PRKAR2B: variants seen among roughly 807,000 people sequenced by gnomAD.
The protein encoded by PRKAR2B is protein kinase cAMP-dependent type II regulatory subunit beta, also known as cAMP-dependent protein kinase type II-beta regulatory subunit.
PRKAR2B carries 14 observed loss-of-function variants against 49.9 expected under a neutral mutation model. The observed-to-expected ratio is 0.28, with a 90% confidence interval of 0.19 to 0.44. The LOEUF (loss-of-function observed/expected upper bound fraction) is 0.44, where lower values mean the gene tolerates loss of function less well. Ranked by LOEUF, PRKAR2B falls within the 20% of genes least tolerant of loss-of-function variation. PRKAR2B has a pLI of 1.00. For missense variants in PRKAR2B, 393 were observed against 537.9 expected, an observed-to-expected ratio of 0.73 and a Z score of 2.67; for synonymous variants, 196 against 197.7, an observed-to-expected ratio of 0.99 and a Z score of 0.07.
At chr7:107,117,865 T>A (rs1225053525) in intron 2 of PRKAR2B, among the ~76,000 whole-genome samples, 2 of 152,182 alleles carry the variant, frequency 1.3e-5, no homozygotes, top group Non-Finnish European at 2.9e-5. Flanking sequence ...CACATTACTC[T>A]ATCTGCAATG....
chr7:107,136,761 A>G (rs1472529652), intron 4 of PRKAR2B, among the ~76,000 whole-genome samples: 1 of 152,248 alleles, frequency 6.6e-6, no homozygotes, highest in African/African-American at 2.4e-5. Context: ...GGTGTCTTTT[A>G]CAACTAAACA....
intron 1 of PRKAR2B, among the ~76,000 whole-genome samples, chr7:107,057,166 A>G (rs1793932876): frequency 1.3e-5 from 2 of 151,826 alleles, no homozygotes; most frequent in African/African-American, 4.8e-5. Flanking sequence ...CTCAAGACCC[A>G]CTTGCTGTTT....
intron 4 of PRKAR2B, among the ~76,000 whole-genome samples, chr7:107,138,193 A>G (rs970605402): frequency 4.6e-5 from 7 of 152,216 alleles, no homozygotes; most frequent in African/African-American, 1.7e-4. Context: ...TGTCAAACCC[A>G]TAGAATGTAC....
chr7:107,151,030 ATAT>A lies in PRKAR2B; in HGVS notation c.843+8_843+10del. The A allele has an allele frequency of 1.4e-6, 2 of 1,471,706 alleles. No individual in the cohort carries two copies. The highest frequency in any genetic ancestry group is 1.8e-6 in the Non-Finnish European group (2 of 1,081,470). The allele number at this position is 1,471,706 out of a possible 1,614,324, so 91.2% of individuals were successfully genotyped here. A position where few individuals can be genotyped will look rare whatever the true frequency, so the allele number is the denominator to read the frequency against. On this transcript the variant is annotated splice_region_variant and intron_variant, in intron 7 of 10. Coordinates refer to ENST00000265717, the MANE Select transcript of PRKAR2B (RefSeq NM_002736.3). Reference sequence around the variant, plus strand: ...ATTCCTTAAATCTTTGGAGGTAAGTATATGTTTATGCTTTTATTTTATTTTGCT... The same window carrying A: ...ATTCCTTAAATCTTTGGAGGTAAGTAGTTTATGCTTTTATTTTATTTTGCT...
chr7:107,056,370 G>C (rs2116754264), intron 1 of PRKAR2B, among the ~76,000 whole-genome samples: 1 of 152,298 alleles, frequency 6.6e-6, no homozygotes, highest in Non-Finnish European at 1.5e-5. Flanking sequence ...TTGGTAGCTT[G>C]ATGGGGATGG....
At chr7:107,156,928 A>G in intron 8 of PRKAR2B, 56 bp from the exon 9 acceptor site, 1 of 1,440,262 alleles carries the variant, frequency 6.9e-7, no homozygotes, top group South Asian at 1.2e-5. Context: ...AGGTAACAAG[A>G]TTGTTGTCAA....
chr7:107,065,674 C>T (rs1438618652), intron 1 of PRKAR2B, among the ~76,000 whole-genome samples: 1 of 152,176 alleles, frequency 6.6e-6, no homozygotes. Context: ...CATCCACACT[C>T]AATACAGCAA....
At chr7:107,158,640 T>C (rs1796141794) in intron 10 of PRKAR2B, among the ~76,000 whole-genome samples, 1 of 152,178 alleles carries the variant, frequency 6.6e-6, no homozygotes, top group Non-Finnish European at 1.5e-5. Context: ...TTTTCTGTAT[T>C]ATAGGAGTTT....
Position 107,140,888 on chromosome 7 carries a change from G to T in PRKAR2B, c.522G>T (p.Leu174Phe), listed in dbSNP as rs756637383. ...SQVLDAMFEK[L>F]VKDGEHVIDQ... ...TATTAGATGCCATGTTTGAAAAATT[G>T]GTCAAAGATGGGGAGCATGTAATTG... Residue 174 changes from leucine (L) to phenylalanine (F), a missense_variant, in exon 5 of 11, where the codon TTG (leucine) becomes TTT (phenylalanine). By Grantham distance (22) the Leu-to-Phe change is conservative. This residue lies in a region of PRKAR2B where 233 missense variants were observed against 390.4 expected (regional missense o/e 0.60). Transcript: ENST00000265717. The T allele has an allele frequency of 3.1e-6, 5 of 1,612,394 alleles. No homozygotes were observed. In the South Asian group the frequency reaches 4.4e-5, roughly 14 times the overall value.
intron 2 of PRKAR2B, among the ~76,000 whole-genome samples, chr7:107,106,700 G>T (rs1795080622): frequency 6.6e-6 from 1 of 152,168 alleles, no homozygotes; most frequent in Non-Finnish European, 1.5e-5. Flanking sequence ...CGGGGGTATA[G>T]GCTGAGGCTA....
chr7:107,136,002 A>C (rs926260738), intron 4 of PRKAR2B, among the ~76,000 whole-genome samples: 1 of 152,238 alleles, frequency 6.6e-6, no homozygotes, highest in African/African-American at 2.4e-5. Context: ...TCAGTGGAAC[A>C]GAACAGAGAA....
intron 1 of PRKAR2B, among the ~76,000 whole-genome samples, chr7:107,064,033 G>A (rs1052404351): frequency 3.3e-5 from 5 of 152,100 alleles, no homozygotes; most frequent in South Asian, 4.1e-4. Flanking sequence ...TGACAGTGGC[G>A]TTTCCCACTC....
chr7:107,073,246 T>C (rs1052154759), intron 2 of PRKAR2B, among the ~76,000 whole-genome samples: 6 of 152,234 alleles, frequency 3.9e-5, no homozygotes, highest in Non-Finnish European at 8.8e-5. Context: ...ATATTTATGC[T>C]TAACAAATAC....
chr7:107,112,717 A>C (rs994995981), intron 2 of PRKAR2B, among the ~76,000 whole-genome samples: 1 of 152,170 alleles, frequency 6.6e-6, no homozygotes, highest in South Asian at 2.1e-4. Context: ...TACGTTTTTT[A>C]CATGGATTTA....
intron 2 of PRKAR2B, among the ~76,000 whole-genome samples, chr7:107,096,124 G>C (rs183586385): frequency 2.0e-5 from 3 of 152,228 alleles, no homozygotes; most frequent in South Asian, 2.1e-4. Flanking sequence ...CTGTGAATCC[G>C]TCTGGTCCTG....
At chr7:107,152,179 T>C (rs2115668855) in intron 7 of PRKAR2B, among the ~76,000 whole-genome samples, 1 of 152,328 alleles carries the variant, frequency 6.6e-6, no homozygotes, top group East Asian at 1.9e-4. Flanking sequence ...CAGAGTCATC[T>C]TTTAAAATCC....
rs944675889 is a variant in PRKAR2B, at chr7:107,085,250, T to G, written c.343+14934T>G. On this transcript the variant is annotated intron_variant, in intron 2 of 10. Transcript: ENST00000265717. ...CATGGATGGAGTGAAGAGTGGAAGG[T>G]GATGATTGTACCAATTTTCTGTGTT... 1.5e-4 allele frequency among the ~76,000 whole-genome samples: 23 copies of G among 152,222 alleles called. 1 individual carries two copies. The highest frequency in any genetic ancestry group is 1.5e-3 in the Admixed American group (23 of 15,276).
chr7:107,147,291 G>T (rs61123979), intron 6 of PRKAR2B, among the ~76,000 whole-genome samples: 2,988 of 152,192 alleles, frequency 0.02, 101 homozygotes, highest in African/African-American at 0.067. Flanking sequence ...CAGCCTGGGC[G>T]ACAGAGCGAG....
At chr7:107,078,592 T>C (rs1489477601) in intron 2 of PRKAR2B, among the ~76,000 whole-genome samples, 2 of 152,204 alleles carry the variant, frequency 1.3e-5, no homozygotes, top group Non-Finnish European at 2.9e-5. Context: ...TTATGAATAA[T>C]CCAAGTGAAC....
Sources: gnomAD v4.1 joint callset for allele counts (sites outside exome capture counted in the v4.1 genomes callset) on GRCh38, gnomAD v4.1.1 for gene constraint, gnomAD v4.1.1 regional missense constraint, MANE v1.5 for transcripts, NCBI Gene and HGNC (gene_info 2026-07-23, HGNC 2026-07-21) for gene names.